The following FRMD4A variants were observed in gnomAD, a reference collection of about 807,000 sequenced individuals.
FRMD4A encodes the protein FERM domain-containing protein 4A.
In FRMD4A, 29 loss-of-function variants were observed where a neutral mutation model predicts 129.1. The ratio of observed to expected loss-of-function variants is 0.22; its 90% confidence interval spans 0.17 to 0.31. The LOEUF is 0.31. Ranked by LOEUF, FRMD4A falls within the 10% of genes least tolerant of loss-of-function variation. The pLI is 1.00. For missense variants in FRMD4A, 1,272 were observed against 1,375.8 expected (o/e 0.92, Z 1.19); for synonymous variants, 634 against 571.6 (o/e 1.11, Z -1.56).
intron 2 of FRMD4A, among the ~76,000 whole-genome samples, chr10:14,001,671 G>A (rs2095643283): frequency 6.6e-6 from 1 of 152,222 alleles, no homozygotes. Context: ...CCTAACCAAT[G>A]CAGGGAAAAT....
intron 2 of FRMD4A, among the ~76,000 whole-genome samples, chr10:13,975,356 CTGTG>C (rs2095538414): frequency 6.6e-6 from 1 of 150,508 alleles, no homozygotes; most frequent in Non-Finnish European, 1.5e-5. Flanking sequence ...GTGTCTGTGT[CTGTG>C]TGTATGTGTG....
rs76126314 is a variant in FRMD4A at position 14,040,776 on chromosome 10, A to G, written c.46-181864T>C. ...TCTCTGCAAATGTGTTCTCCAGAGGAAATAAGACGGAGACGCCAGCTTAGG... is the reference window on the plus strand; with the variant it reads ...TCTCTGCAAATGTGTTCTCCAGAGGGAATAAGACGGAGACGCCAGCTTAGG... On this transcript the variant is annotated intron_variant, in intron 2 of 24. Coordinates refer to ENST00000357447, the MANE Select transcript of FRMD4A (RefSeq NM_018027.5). Among the ~76,000 whole-genome samples the G allele has an allele frequency of 1.6e-4, 24 of 152,322 alleles. No individual in the cohort carries two copies. In the East Asian group the frequency reaches 4.6e-3, roughly 29 times the overall value.
intron 9 of FRMD4A, among the ~76,000 whole-genome samples, chr10:13,745,889 G>A (rs908836710): frequency 6.6e-6 from 1 of 152,150 alleles, no homozygotes; most frequent in African/African-American, 2.4e-5. Context: ...AAGGAATTAG[G>A]GAGGTGGGTA....
chr10:14,117,232 A>G (rs1336718462), intron 2 of FRMD4A, among the ~76,000 whole-genome samples: 1 of 152,276 alleles, frequency 6.6e-6, no homozygotes, highest in East Asian at 1.9e-4. Flanking sequence ...GAAGAAGGCA[A>G]GAGTCCATCA....
intron 2 of FRMD4A, among the ~76,000 whole-genome samples, chr10:14,310,911 C>T (rs982037388): frequency 1.3e-5 from 2 of 152,202 alleles, no homozygotes; most frequent in Non-Finnish European, 2.9e-5. Flanking sequence ...TGCTCTTAAG[C>T]TCGCTCCTTG....
At chr10:13,900,203 C>G (rs1231857695) in intron 2 of FRMD4A, among the ~76,000 whole-genome samples, 1 of 152,232 alleles carries the variant, frequency 6.6e-6, no homozygotes, top group Non-Finnish European at 1.5e-5. Flanking sequence ...CGATCAAGTA[C>G]TTAAAACCAG....
intron 2 of FRMD4A, among the ~76,000 whole-genome samples, chr10:13,883,927 A>C (rs549927519): frequency 6.6e-6 from 1 of 152,162 alleles, no homozygotes; most frequent in Non-Finnish European, 1.5e-5. Context: ...CTGTTTAATC[A>C]GTCTCCAGAA....
In FRMD4A at chr10:13,714,059, T is replaced by TATAA. The variant is rs1207471495; in HGVS notation, c.760-6947_760-6946insTTAT. ...ATATATATATATATATATATATATA[T>TATAA]AAAATATACTTTTTTTTTGAGACAC... is the stretch of plus-strand genomic sequence containing the variant. On this transcript the variant is annotated intron_variant, in intron 12 of 24. Coordinates refer to ENST00000357447, the MANE Select transcript of FRMD4A (RefSeq NM_018027.5). Among the ~76,000 whole-genome samples the TATAA allele has an allele frequency of 9.7e-4, 98 of 101,302 alleles. 9 individuals are homozygous for TATAA. Among genetic ancestry groups the TATAA allele is most frequent in the South Asian group, 3.9e-3 (14 of 3,552 alleles). 66.5% of individuals were successfully genotyped at this position (101,302 alleles called of 152,430 possible). A position where few individuals can be genotyped will look rare whatever the true frequency, so the allele number is the denominator to read the frequency against.
At chr10:14,177,058 G>A (rs371600501) in intron 2 of FRMD4A, among the ~76,000 whole-genome samples, 3 of 151,990 alleles carry the variant, frequency 2.0e-5, no homozygotes, top group Admixed American at 6.5e-5. Flanking sequence ...TTTTACTTTC[G>A]ACAATTCTTT....
At chr10:14,117,926 G>C (rs1220741318) in intron 2 of FRMD4A, among the ~76,000 whole-genome samples, 1 of 152,114 alleles carries the variant, frequency 6.6e-6, no homozygotes, top group Non-Finnish European at 1.5e-5. Context: ...TCTGTCCCTA[G>C]AAAGTACCCT....
intron 2 of FRMD4A, among the ~76,000 whole-genome samples, chr10:14,153,759 T>G (rs1840459345): frequency 6.6e-6 from 1 of 152,218 alleles, no homozygotes; most frequent in Admixed American, 6.5e-5. Context: ...CCTTTGGCAC[T>G]GGGAAGCACT....
intron 2 of FRMD4A, among the ~76,000 whole-genome samples, chr10:14,048,785 G>A: frequency 6.6e-6 from 1 of 151,720 alleles, no homozygotes; most frequent in South Asian, 2.1e-4. Context: ...CAGCCTGGGT[G>A]ACAGAGCGAG....
chr10:14,026,299 T>G (rs1832983071), intron 2 of FRMD4A, among the ~76,000 whole-genome samples: 2 of 152,196 alleles, frequency 1.3e-5, no homozygotes, highest in Non-Finnish European at 2.9e-5. Flanking sequence ...GACACAGACT[T>G]AATTCAACAT....
At chr10:13,729,175 G>A (rs1246628366) in intron 12 of FRMD4A, among the ~76,000 whole-genome samples, 5 of 58,740 alleles carry the variant, frequency 8.5e-5, no homozygotes, top group Admixed American at 2.1e-4. Flanking sequence ...GCTGCGATCT[G>A]AAAGAATGAT....
At chr10:13,849,439 TG>T (rs981398884) in intron 3 of FRMD4A, among the ~76,000 whole-genome samples, 3 of 151,604 alleles carry the variant, frequency 2.0e-5, no homozygotes, top group African/African-American at 7.3e-5. Flanking sequence ...ACATGCACTT[TG>T]GGGGGGATTC....
At chr10:13,699,505 T>C (rs3750881) in intron 14 of FRMD4A, among the ~76,000 whole-genome samples, 57,658 of 151,972 alleles carry the variant, frequency 0.38, 11,331 homozygotes, top group African/African-American at 0.49. Flanking sequence ...TAAGAACAAG[T>C]TTCTTGAAAT....
At chr10:14,136,991 T>G (rs1209797992) in intron 2 of FRMD4A, among the ~76,000 whole-genome samples, 1 of 152,256 alleles carries the variant, frequency 6.6e-6, no homozygotes, top group Non-Finnish European at 1.5e-5. Flanking sequence ...AACTTTCTGA[T>G]GATTCATATC....
chr10:14,054,373 C>T (rs569865462), intron 2 of FRMD4A, among the ~76,000 whole-genome samples: 20 of 152,268 alleles, frequency 1.3e-4, no homozygotes, highest in Admixed American at 9.8e-4. Context: ...GGAAAACGGA[C>T]GCTGCTTTTT....
At chr10:14,216,487 A>G (rs1343665924) in intron 2 of FRMD4A, among the ~76,000 whole-genome samples, 3 of 152,294 alleles carry the variant, frequency 2.0e-5, no homozygotes, top group Non-Finnish European at 4.4e-5. Flanking sequence ...CCTGACCAAC[A>G]TGGTGAAACC....
Sources: gnomAD v4.1 joint callset for allele counts (sites outside exome capture counted in the v4.1 genomes callset) on GRCh38, gnomAD v4.1.1 for gene constraint, MANE v1.5 for transcripts, NCBI Gene and HGNC (gene_info 2026-07-23, HGNC 2026-07-21) for gene names.